KIAA1217: variants seen among roughly 807,000 people sequenced by gnomAD.
KIAA1217 encodes sickle tail protein homolog.
Under a neutral mutation model 163.9 loss-of-function variants are expected in KIAA1217, and 88 were observed. The observed-to-expected ratio is 0.54, with a 90% CI of 0.45 to 0.64. The LOEUF (loss-of-function observed/expected upper bound fraction) is 0.64, where lower values mean the gene tolerates loss of function less well. Ranked by LOEUF, KIAA1217 falls within the 30% of genes least tolerant of loss-of-function variation. The pLI is 0.00. For synonymous variants in KIAA1217, 903 were observed against 923.1 expected, an observed-to-expected ratio of 0.98 and a Z score of 0.39; for missense variants, 2,372 against 2,475.0, an observed-to-expected ratio of 0.96 and a Z score of 0.88.
At chr10:24,531,105 T>G (rs1280092809) in intron 14 of KIAA1217, among the ~76,000 whole-genome samples, 1 of 151,924 alleles carries the variant, frequency 6.6e-6, no homozygotes, top group Admixed American at 6.6e-5. Flanking sequence ...CTAGGGAGGC[T>G]AAGGTGGGAG....
At chr10:23,911,923 A>G (rs1447792098) in intron 1 of KIAA1217, among the ~76,000 whole-genome samples, 2 of 152,144 alleles carry the variant, frequency 1.3e-5, no homozygotes, top group East Asian at 3.9e-4. Context: ...ATGATGAACA[A>G]TAGGCAGGAT....
chr10:23,719,792 C>T (rs1238006248), intron 1 of KIAA1217, among the ~76,000 whole-genome samples: 1 of 151,288 alleles, frequency 6.6e-6, no homozygotes, highest in African/African-American at 2.4e-5. Flanking sequence ...GTGGTGCATG[C>T]CTGTAGTCCC....
At chr10:24,362,634 G>A (rs2214172) in intron 2 of KIAA1217, among the ~76,000 whole-genome samples, 23,365 of 152,084 alleles carry the variant, frequency 0.15, 2,020 homozygotes, top group South Asian at 0.33. Context: ...GTTTACCATG[G>A]TTAGTCTCCT....
At chr10:24,369,015 G>A (rs2051189285) in intron 2 of KIAA1217, among the ~76,000 whole-genome samples, 1 of 152,166 alleles carries the variant, frequency 6.6e-6, no homozygotes, top group South Asian at 2.1e-4. Flanking sequence ...GTTCATGGCA[G>A]GATTGGAGTC....
chr10:23,910,218 A>C (rs1842370216), intron 1 of KIAA1217, among the ~76,000 whole-genome samples: 1 of 152,058 alleles, frequency 6.6e-6, no homozygotes, highest in African/African-American at 2.4e-5. Flanking sequence ...TGATGGGTGC[A>C]ACAAACTACC....
At chr10:24,401,511 A>G (rs1432702947) in intron 3 of KIAA1217, among the ~76,000 whole-genome samples, 1 of 152,200 alleles carries the variant, frequency 6.6e-6, no homozygotes, top group African/African-American at 2.4e-5. Flanking sequence ...GTTAATTGAC[A>G]GTTAAAAATA....
chr10:23,869,986 A>C (rs1177306797), intron 1 of KIAA1217, among the ~76,000 whole-genome samples: 1 of 152,206 alleles, frequency 6.6e-6, no homozygotes, highest in Non-Finnish European at 1.5e-5. Flanking sequence ...ATGTTGAAGC[A>C]ACGTTAAGCC....
chr10:24,195,915 G>A (rs1166807391), intron 2 of KIAA1217, among the ~76,000 whole-genome samples: 3 of 151,926 alleles, frequency 2.0e-5, no homozygotes, highest in Non-Finnish European at 4.4e-5. Flanking sequence ...GATCGCTTGA[G>A]GCCAGCAGTT....
chr10:24,045,957 T>C (rs1044161133), intron 2 of KIAA1217, among the ~76,000 whole-genome samples: 1 of 152,138 alleles, frequency 6.6e-6, no homozygotes, highest in African/African-American at 2.4e-5. Context: ...GGAAAGTGAA[T>C]GTTGAAGTGT....
At chr10:24,512,785 ATTTCAT>A (rs1413630144) in intron 9 of KIAA1217, among the ~76,000 whole-genome samples, 3 of 152,232 alleles carry the variant, frequency 2.0e-5, no homozygotes, top group Non-Finnish European at 4.4e-5. Flanking sequence ...ACCATGCGGT[ATTTCAT>A]GTAACCCTCA....
At chr10:23,797,519 A>G (rs1564430028) in intron 1 of KIAA1217, among the ~76,000 whole-genome samples, 1 of 152,164 alleles carries the variant, frequency 6.6e-6, no homozygotes. Flanking sequence ...TTATGAAGCA[A>G]AGAAGTTTAA....
At chr10:24,158,068 A>G in intron 2 of KIAA1217, 1 of 755,158 alleles carries the variant, frequency 1.3e-6, no homozygotes, top group African/African-American at 1.7e-5. Context: ...CAGTTTTACT[A>G]GCTCATAAAG....
rs115454836 is a variant in KIAA1217, at chr10:23,915,442, G to C, written c.-320-91783G>C. On this transcript the variant is annotated intron_variant, in intron 1 of 18. Coordinates refer to the KIAA1217 transcript ENST00000376462. ...TGTAGAGATTTGGATATGGTAAAATGCTATTAGGAATAGAAAAAGGAGATG... is the reference window on the plus strand; with the variant it reads ...TGTAGAGATTTGGATATGGTAAAATCCTATTAGGAATAGAAAAAGGAGATG... Among the ~76,000 whole-genome samples, 428 of 152,208 alleles carry C rather than the reference G, an allele frequency of 2.8e-3. 2 individuals carry two copies. Among genetic ancestry groups the C allele is most frequent in the African/African-American group, 9.9e-3 (410 of 41,548 alleles).
At chr10:24,377,118 G>A (rs951477452) in intron 2 of KIAA1217, among the ~76,000 whole-genome samples, 3 of 152,238 alleles carry the variant, frequency 2.0e-5, no homozygotes, top group Non-Finnish European at 4.4e-5. Context: ...AGACCCCTTC[G>A]AAGAAGAGAA....
At chr10:23,790,488 C>CATATATACATGTGCATATATACATATGT (rs1564423817) in intron 1 of KIAA1217, among the ~76,000 whole-genome samples, 6 of 105,334 alleles carry the variant, frequency 5.7e-5, no homozygotes, top group Admixed American at 3.1e-4. Flanking sequence ...TGCATATATA[C>CATATATACATGTGCATATATACATATGT]ATATATACAT....
intron 5 of KIAA1217, among the ~76,000 whole-genome samples, chr10:24,470,058 A>G (rs1242097298): frequency 6.6e-6 from 1 of 151,966 alleles, no homozygotes; most frequent in Non-Finnish European, 1.5e-5. Context: ...ATTTATCTCG[A>G]TGTTTGTTTT....
chr10:24,036,902 G>A (rs1175107546), intron 2 of KIAA1217, among the ~76,000 whole-genome samples: 1 of 152,196 alleles, frequency 6.6e-6, no homozygotes, highest in Non-Finnish European at 1.5e-5. Context: ...TAAGCACTTA[G>A]AATTTTTAAG....
chr10:24,253,377 T>C (rs2074773228), intron 2 of KIAA1217, among the ~76,000 whole-genome samples: 1 of 152,164 alleles, frequency 6.6e-6, no homozygotes, highest in Non-Finnish European at 1.5e-5. Flanking sequence ...TCCAGGGTGC[T>C]ACGTAGCTCA....
intron 5 of KIAA1217, among the ~76,000 whole-genome samples, chr10:24,455,722 C>T (rs2061719629): frequency 6.6e-6 from 1 of 152,156 alleles, no homozygotes; most frequent in Admixed American, 6.5e-5. Flanking sequence ...AGAGAATGAT[C>T]CAATGCCAAG....
Sources: allele counts gnomAD v4.1 joint callset (sites outside exome capture counted in the v4.1 genomes callset), GRCh38; gene constraint gnomAD v4.1.1; transcripts MANE v1.5; gene names NCBI Gene and HGNC (gene_info 2026-07-23, HGNC 2026-07-21).